LINC00305: variants seen among roughly 807,000 people sequenced by gnomAD.
LINC00305 encodes long intergenic non-protein coding RNA 305.
intron 1 of LINC00305, among the ~76,000 whole-genome samples, chr18:64,117,653 C>G (rs567509599): frequency 1.3e-5 from 2 of 152,136 alleles, no homozygotes; most frequent in Non-Finnish European, 2.9e-5. Flanking sequence ...AAACAGTTCT[C>G]TTTTTTGAGA....
chr18:64,086,804 G>C (rs961704896), intron 3 of LINC00305, among the ~76,000 whole-genome samples: 1 of 152,198 alleles, frequency 6.6e-6, no homozygotes, highest in African/African-American at 2.4e-5. Flanking sequence ...TGCAGCAAAC[G>C]AGAGGTGACT....
intron 3 of LINC00305, among the ~76,000 whole-genome samples, chr18:64,088,586 A>G (rs766620610): frequency 2.8e-4 from 43 of 152,222 alleles, no homozygotes; most frequent in Non-Finnish European, 6.0e-4. Flanking sequence ...TCCAAAGCAT[A>G]TGTGTTTGTC....
chr18:64,087,958 CA>C (rs371978819), intron 3 of LINC00305, among the ~76,000 whole-genome samples: 49 of 149,852 alleles, frequency 3.3e-4, no homozygotes, highest in African/African-American at 5.1e-4. Context: ...AACAAACAGA[CA>C]AAAAAAAACA....
chr18:64,098,602 G>A (rs1488676491), exon 2 of LINC00305: 2 of 441,572 alleles, frequency 4.5e-6, no homozygotes, highest in South Asian at 1.6e-5. Context: ...GTCTATGAAG[G>A]TTGATCATAT....
At chr18:64,096,847 T>A (rs2051247003) in intron 3 of LINC00305, among the ~76,000 whole-genome samples, 1 of 151,986 alleles carries the variant, frequency 6.6e-6, no homozygotes, top group Admixed American at 6.5e-5. Context: ...AAATCTTGAA[T>A]GCTTTCTTAG....
At chr18:64,113,982 G>T (rs1434108700) in intron 1 of LINC00305, among the ~76,000 whole-genome samples, 1 of 152,136 alleles carries the variant, frequency 6.6e-6, no homozygotes, top group Non-Finnish European at 1.5e-5. Context: ...AAAAATGAAA[G>T]AAAATGGCTG....
chr18:64,144,595 GC>G (rs1212552704), intron 1 of LINC00305, among the ~76,000 whole-genome samples: 1 of 152,012 alleles, frequency 6.6e-6, no homozygotes, highest in Non-Finnish European at 1.5e-5. Flanking sequence ...TGCAACCTCT[GC>G]CTCCAAGGTT....
intron 1 of LINC00305, among the ~76,000 whole-genome samples, chr18:64,132,867 TTGAGGG>T: frequency 6.6e-6 from 1 of 152,238 alleles, no homozygotes; most frequent in Admixed American, 6.5e-5. Flanking sequence ...CCTTAGTCTT[TTGAGGG>T]TGACACCATC....
intron 1 of LINC00305, among the ~76,000 whole-genome samples, chr18:64,133,523 C>G (rs1322237869): frequency 2.0e-5 from 3 of 152,122 alleles, no homozygotes; most frequent in Non-Finnish European, 4.4e-5. Context: ...GAATAAAACC[C>G]CAGCTGTGAG....
intron 1 of LINC00305, among the ~76,000 whole-genome samples, chr18:64,120,276 C>T (rs540338198): frequency 6.6e-6 from 1 of 152,084 alleles, no homozygotes; most frequent in East Asian, 1.9e-4. Flanking sequence ...TAAGATGGCT[C>T]TTCTTTTTTT....
intron 1 of LINC00305, among the ~76,000 whole-genome samples, chr18:64,128,102 A>C (rs2051393305): frequency 6.6e-6 from 1 of 152,146 alleles, no homozygotes; most frequent in Admixed American, 6.6e-5. Flanking sequence ...AAAGTGTCAG[A>C]TTAAATCAAA....
At chr18:64,097,037 T>C (rs1303814396) in intron 3 of LINC00305, among the ~76,000 whole-genome samples, 5 of 152,002 alleles carry the variant, frequency 3.3e-5, no homozygotes, top group Non-Finnish European at 5.9e-5. Context: ...CTGGAGGACA[T>C]GGTGAGAACT....
chr18:64,137,606 A>G (rs551578280), intron 1 of LINC00305, among the ~76,000 whole-genome samples: 3 of 152,316 alleles, frequency 2.0e-5, no homozygotes, highest in South Asian at 4.1e-4. Context: ...ACTCAAATCC[A>G]TAATTAAAAT....
chr18:64,104,366 C>T (rs554878372), intron 1 of LINC00305: 2 of 152,304 alleles, frequency 1.3e-5, no homozygotes, highest in East Asian at 3.9e-4. Context: ...TTGTATATTA[C>T]AGAGGAAGGC....
intron 1 of LINC00305, among the ~76,000 whole-genome samples, chr18:64,104,834 T>C (rs926917829): frequency 2.6e-5 from 4 of 152,048 alleles, no homozygotes; most frequent in Non-Finnish European, 1.5e-5. Flanking sequence ...TCCTGAAATC[T>C]GCCAGGAAAT....
At chr18:64,137,230 C>T (rs1279364117) in intron 1 of LINC00305, among the ~76,000 whole-genome samples, 5 of 152,144 alleles carry the variant, frequency 3.3e-5, no homozygotes, top group Non-Finnish European at 7.4e-5. Context: ...CTGCTGGCAA[C>T]CACCAGAAGC....
chr18:64,120,377 G>T (rs768334924), intron 1 of LINC00305, among the ~76,000 whole-genome samples: 7 of 152,072 alleles, frequency 4.6e-5, no homozygotes, highest in African/African-American at 7.2e-5. Flanking sequence ...AACTGCTAAA[G>T]CTGGTTCAGA....
intron 3 of LINC00305, among the ~76,000 whole-genome samples, chr18:64,095,639 C>G (rs1049569075): frequency 6.6e-6 from 1 of 152,012 alleles, no homozygotes; most frequent in Non-Finnish European, 1.5e-5. Flanking sequence ...AGAACAGAAC[C>G]AACACTGCAG....
rs1037888400 is a variant in LINC00305, at chr18:64,127,187, A to G, written n.314+21588T>C. ...CCTTAATTTTTGCTCCCTCATCTCA[A>G]TATTTAGGGTCCCTTGTCACTGCTA... On this transcript the variant is annotated intron_variant and non_coding_transcript_variant, in intron 1 of 3. Transcript: ENST00000666468. 5.3e-5 allele frequency among the ~76,000 whole-genome samples: 8 copies of G among 152,152 alleles called. No individual in the cohort carries two copies. The East Asian group carries it at 1.4e-3, about 26-fold the overall frequency.
Sources: allele counts gnomAD v4.1 joint callset (sites outside exome capture counted in the v4.1 genomes callset), GRCh38; gene constraint gnomAD v4.1.1; transcripts MANE v1.5; gene names NCBI Gene and HGNC (gene_info 2026-07-23, HGNC 2026-07-21).